The following MKNK1 variants were observed in gnomAD, a reference collection of about 807,000 sequenced individuals.
MKNK1 encodes MAP kinase-interacting serine/threonine-protein kinase 1.
In MKNK1, 30 loss-of-function variants were observed where a neutral mutation model predicts 49.3. The observed-to-expected ratio is 0.61, with a 90% confidence interval of 0.46 to 0.83. The LOEUF (loss-of-function observed/expected upper bound fraction) is 0.83. Among genes scored for constraint, MKNK1 ranks in the 40% least tolerant of loss-of-function variants. The probability of loss-of-function intolerance (pLI) is 0.00; values close to 1 mark genes in which losing one functional copy is unlikely to be tolerated. For missense variants in MKNK1, 423 were observed against 524.7 expected (o/e 0.81, Z 1.89); for synonymous variants, 176 against 201.7 (o/e 0.87, Z 1.08).
In MKNK1 at chr1:46,558,636, C is replaced by T. The variant is rs34881418; in HGVS notation, c.1178G>A (p.Arg393Gln). Residue 393 changes from arginine (R) to glutamine (Q), a missense_variant, in exon 13 of 13, where the codon CGG (arginine) becomes CAG (glutamine). Physicochemically the swap from Arg to Gln is conservative, Grantham distance 43 (BLOSUM62 1). Transcript: ENST00000371945. ...LSPPCKSRLARRRALAQAGRG... is the reference protein window; with the variant it reads ...LSPPCKSRLAQRRALAQAGRG... Reference sequence around the variant, plus strand: ...GCCTGCCTGGGCCAGGGCCCGTCTCCGGGCCAGGCGTGACTTGCAGGGAGG... The same window carrying T: ...GCCTGCCTGGGCCAGGGCCCGTCTCTGGGCCAGGCGTGACTTGCAGGGAGG... 19,066 of 1,614,056 alleles carry T rather than the reference C, an allele frequency of 0.012. 160 individuals are homozygous for T. Among genetic ancestry groups the T allele is most frequent in the Non-Finnish European group, 0.013 (15,736 of 1,179,996 alleles).
chr1:46,565,152 G>C lies in MKNK1; in HGVS notation c.514-16C>G. ...CTGGAGACACCTGAAAAGGAAAACA[G>C]AAGACAGGGTCACAGATATAAGAAA... On this transcript the variant is annotated splice_polypyrimidine_tract_variant and intron_variant, in intron 8 of 12. Transcript: ENST00000371945. 2 of 1,611,314 alleles carry C rather than the reference G, an allele frequency of 1.2e-6. No individual in the cohort carries two copies. The highest frequency in any genetic ancestry group is 4.5e-5 in the East Asian group (2 of 44,872).
intron 7 of MKNK1, among the ~76,000 whole-genome samples, chr1:46,571,024 A>G (rs1268005954): frequency 6.6e-6 from 1 of 152,150 alleles, no homozygotes; most frequent in East Asian, 1.9e-4. Context: ...ACCAGAATTC[A>G]TTTTTTCCAG....
chr1:46,574,716 T>C, intron 6 of MKNK1: 1 of 516,810 alleles, frequency 1.9e-6, no homozygotes, highest in Non-Finnish European at 3.4e-6. Context: ...TGACTCCTAT[T>C]ATAATGAAAA....
Position 46,565,219 on chromosome 1 carries a change from G to A in MKNK1, c.514-83C>T, listed in dbSNP as rs1298316485. 3 of 1,258,466 alleles carry A rather than the reference G, an allele frequency of 2.4e-6. No homozygotes were observed. In the African/African-American group the frequency reaches 4.4e-5, roughly 19 times the overall value. 78.0% of individuals were successfully genotyped at this position (1,258,466 alleles called of 1,614,324 possible). ...GCCAGGCATGGCTGTACGGGTGCAT[G>A]GCTCCGTGGCTGTCACACCGCAGCT... On this transcript the variant is annotated intron_variant, in intron 8 of 12. Transcript: ENST00000371945.
In MKNK1 at chr1:46,589,086, G is replaced by A. The variant is rs1673007647; in HGVS notation, c.-3+5027C>T. ...TCTTCAATAATGCTATATTTATTGG[G>A]CACCTACTGATCGTCTGGTGCTAGA... On this transcript the variant is annotated intron_variant, in intron 2 of 12. Transcript: ENST00000371945. The surrounding 1 kb of genome is among the most constrained non-coding windows in gnomAD (Gnocchi z 4.3). Among the ~76,000 whole-genome samples the A allele has an allele frequency of 6.6e-6, 1 of 152,234 alleles. No homozygotes were observed.
At chr1:46,596,720 G>C (rs1327088884) in intron 1 of MKNK1, among the ~76,000 whole-genome samples, 1 of 152,168 alleles carries the variant, frequency 6.6e-6, no homozygotes, top group African/African-American at 2.4e-5. Context: ...AATGTATATA[G>C]AGCTCGTGGC....
At chr1:46,573,155 A>G (rs926339025) in intron 6 of MKNK1, among the ~76,000 whole-genome samples, 3 of 152,214 alleles carry the variant, frequency 2.0e-5, no homozygotes, top group Admixed American at 2.0e-4. Context: ...AACTTGCCCA[A>G]GATTACGCAC....
chr1:46,565,143 A>G lies in MKNK1; in HGVS notation c.514-7T>C. 1.2e-6 allele frequency: 2 copies of G among 1,613,536 alleles called. No individual in the cohort carries two copies. Among genetic ancestry groups the G allele is most frequent in the Non-Finnish European group, 1.7e-6 (2 of 1,179,436 alleles). ...AGATTTTCACTGGAGACACCTGAAA[A>G]GGAAAACAGAAGACAGGGTCACAGA... is the stretch of plus-strand genomic sequence containing the variant. On this transcript the variant is annotated splice_region_variant and splice_polypyrimidine_tract_variant and intron_variant, in intron 8 of 12. Transcript: ENST00000371945.
intron 4 of MKNK1, among the ~76,000 whole-genome samples, chr1:46,577,837 C>A (rs1374825615): frequency 2.0e-5 from 3 of 152,248 alleles, no homozygotes; most frequent in Non-Finnish European, 2.9e-5. Flanking sequence ...AACCACTGCA[C>A]ACCGAGCCTG....
At position 46,594,214 on chromosome 1, in the gene MKNK1, A is replaced by AGT; in HGVS notation, c.-106_-105dup. 7.7e-7 allele frequency: 1 copy of AGT among 1,297,974 alleles called. No individual in the cohort carries two copies. The highest frequency in any genetic ancestry group is 1.2e-5 in the South Asian group (1 of 84,784). 80.4% of individuals were successfully genotyped at this position (1,297,974 alleles called of 1,614,324 possible). A position where few individuals can be genotyped will look rare whatever the true frequency, so the allele number is the denominator to read the frequency against. On this transcript the variant is annotated 5_prime_UTR_variant, in exon 2 of 13. The change abolishes the stop of an existing upstream ORF in the 5' untranslated region. Transcript: ENST00000371945. ...AAGTTGGTGTCTTCCAGCTACACGA[A>AGT]GTGTCTCAATGGCCTTTGTGCGTAG...
chr1:46,572,539 G>A (rs539095919), intron 6 of MKNK1, among the ~76,000 whole-genome samples: 172 of 152,164 alleles, frequency 1.1e-3, no homozygotes, highest in Non-Finnish European at 2.1e-3. Context: ...TAGAGGCCAA[G>A]TTTTCCCAAG....
intron 1 of MKNK1, among the ~76,000 whole-genome samples, chr1:46,599,829 G>A (rs1280084810): frequency 6.6e-6 from 1 of 152,178 alleles, no homozygotes; most frequent in African/African-American, 2.4e-5. Context: ...CTATATTACA[G>A]GATTAAATAT....
At position 46,590,355 on chromosome 1, in the gene MKNK1, C is replaced by T. The variant is rs543841029; in HGVS notation, c.-3+3758G>A. On this transcript the variant is annotated intron_variant, in intron 2 of 12. Coordinates refer to ENST00000371945, the MANE Select transcript of MKNK1 (RefSeq NM_001135553.4). ...AGCAGTATTAGAGTCCACATGACTA[C>T]TCCTAGTAGTGACATTACTCACACA... Among the ~76,000 whole-genome samples, 9 of 152,318 alleles carry T rather than the reference C, an allele frequency of 5.9e-5. No homozygotes were observed. The East Asian group carries it at 1.7e-3, about 29-fold the overall frequency.
At chr1:46,582,162 T>C (rs541699367) in intron 3 of MKNK1, among the ~76,000 whole-genome samples, 1 of 152,204 alleles carries the variant, frequency 6.6e-6, no homozygotes, top group Admixed American at 6.5e-5. Context: ...CTTGGGATCT[T>C]TGTCTCTCCC....
At chr1:46,599,352 C>T (rs1348425359) in intron 1 of MKNK1, among the ~76,000 whole-genome samples, 1 of 152,184 alleles carries the variant, frequency 6.6e-6, no homozygotes, top group African/African-American at 2.4e-5. Flanking sequence ...CCTCCCCCGA[C>T]AGACCCTTTT....
chr1:46,593,509 T>C (rs1041767091), intron 2 of MKNK1: 2 of 152,298 alleles, frequency 1.3e-5, no homozygotes, highest in Non-Finnish European at 2.9e-5. Flanking sequence ...GGGCTTCATA[T>C]ACTTCTGCTG....
At chr1:46,575,785 A>T (rs900023127) in intron 5 of MKNK1, 2 of 152,066 alleles carry the variant, frequency 1.3e-5, no homozygotes, top group Non-Finnish European at 2.9e-5. Context: ...TGTCCCTCAT[A>T]AAAAAAATGC....
chr1:46,576,660 GGAA>G lies in MKNK1; in HGVS notation c.199-9_199-7del. 6.2e-7 allele frequency: 1 copy of G among 1,613,870 alleles called. No homozygotes were observed. Among genetic ancestry groups the G allele is most frequent in the Non-Finnish European group, 8.5e-7 (1 of 1,179,780 alleles). On this transcript the variant is annotated splice_region_variant and splice_polypyrimidine_tract_variant and intron_variant, in intron 4 of 12. Transcript: ENST00000371945. ...CCTGCTTGTTTCTCGATGATCTGTG[GGAA>G]GAATAAAATCTGTCATGTACACCCA...
chr1:46,566,583 A>G (rs1329964805), intron 8 of MKNK1, among the ~76,000 whole-genome samples: 1 of 152,258 alleles, frequency 6.6e-6, no homozygotes, highest in Non-Finnish European at 1.5e-5. Flanking sequence ...CAGAAGCTGC[A>G]CCATTATATA....
Sources: allele counts gnomAD v4.1 joint callset (sites outside exome capture counted in the v4.1 genomes callset), GRCh38; gene constraint gnomAD v4.1.1; non-coding constraint Gnocchi (gnomAD v3.1); transcripts MANE v1.5; gene names NCBI Gene and HGNC (gene_info 2026-07-23, HGNC 2026-07-21).